Variants in DUOX2 observed in about 807,000 individuals in gnomAD.
DUOX2 encodes the protein dual oxidase 2, also known as NADH/NADPH thyroid oxidase p138-tox.
Under a neutral mutation model 183.3 loss-of-function variants are expected in DUOX2, and 185 were observed. That is an observed-to-expected ratio of 1.01 (90% CI 0.90 to 1.14). DUOX2 has a LOEUF of 1.14. Among genes scored for constraint, DUOX2 ranks in the 50% most tolerant of loss-of-function variants. DUOX2 has a pLI of 0.00. For missense variants in DUOX2, 1,999 were observed against 2,022.9 expected (o/e 0.99, Z 0.23); for synonymous variants, 788 against 812.4 (o/e 0.97, Z 0.51).
In DUOX2 at chr15:45,098,081, GC is replaced by G. The variant is rs1893956260; in HGVS notation, c.3516-24del. 3 of 1,612,952 alleles carry G rather than the reference GC, an allele frequency of 1.9e-6. No individual in the cohort carries two copies. The East Asian group carries it at 6.7e-5, about 36-fold the overall frequency. On this transcript the variant is annotated intron_variant, in intron 26 of 33. Transcript: ENST00000389039. ...GACCTGGGGGGCAAAGGCACCTTGA[GC>G]CTCTGACTGGGGCAGGAGGGGCTCC...
chr15:45,103,649 A>C (rs951479498), intron 20 of DUOX2, among the ~76,000 whole-genome samples: 2 of 152,110 alleles, frequency 1.3e-5, no homozygotes, highest in African/African-American at 4.8e-5. Context: ...ACAAAGATCC[A>C]AGGGCATCCA....
chr15:45,109,893 C>T lies in DUOX2; in HGVS notation c.1128G>A (p.Arg376=), dbSNP rs1028901109. 1 of 1,614,150 alleles carries T rather than the reference C, an allele frequency of 6.2e-7. No homozygotes were observed. Among genetic ancestry groups the T allele is most frequent in the Non-Finnish European group, 8.5e-7 (1 of 1,180,020 alleles). ...ALRVCNNYWI[R]ENPNLNSTQE... ...CTGACCCTGACCCCAGTCTGACCTCCCGAATCCAGTAGTTGTTGCAGACCC... is the reference window on the plus strand; with the variant it reads ...CTGACCCTGACCCCAGTCTGACCTCTCGAATCCAGTAGTTGTTGCAGACCC... The change falls in exon 10 of 34, where the codon CGG becomes CGA. Residue 376 remains arginine, a synonymous_variant. Transcript: ENST00000389039.
At chr15:45,101,036 C>A in intron 22 of DUOX2, 169 bp downstream of exon 22, 1 of 723,078 alleles carries the variant, frequency 1.4e-6, no homozygotes, top group Non-Finnish European at 2.5e-6. Flanking sequence ...AGCCAAGCAT[C>A]CGAGCAGCAT....
chr15:45,099,999 C>G (rs1894031998), intron 24 of DUOX2, 51 bp downstream of exon 24: 2 of 1,613,634 alleles, frequency 1.2e-6, no homozygotes, highest in African/African-American at 2.7e-5. Flanking sequence ...CACTCCTCTC[C>G]AAGGGTCAGA....
chr15:45,103,843 G>T lies in DUOX2; in HGVS notation c.2654+117C>A, dbSNP rs1267030946. On this transcript the variant is annotated intron_variant, in intron 20 of 33. Coordinates refer to ENST00000389039, the MANE Select transcript of DUOX2 (RefSeq NM_001363711.2). Reference sequence around the variant, plus strand: ...TGAGAGTTTAGGATGTAGTGTTTAGGCCACCTCTCAGCACAGATGACCACA... The same window carrying T: ...TGAGAGTTTAGGATGTAGTGTTTAGTCCACCTCTCAGCACAGATGACCACA... 23 of 1,059,806 alleles carry T rather than the reference G, an allele frequency of 2.2e-5. No individual in the cohort carries two copies. The Admixed American group carries it at 4.2e-4, about 20-fold the overall frequency. The allele number at this position is 1,059,806 out of a possible 1,614,324, so 65.7% of individuals were successfully genotyped here. A position where few individuals can be genotyped will look rare whatever the true frequency, so the allele number is the denominator to read the frequency against.
chr15:45,105,371 G>T (rs945659529), intron 18 of DUOX2, among the ~76,000 whole-genome samples: 1 of 152,112 alleles, frequency 6.6e-6, no homozygotes, highest in Non-Finnish European at 1.5e-5. Context: ...TCATGTAGAC[G>T]ATCTCACCGA....
Position 45,097,685 on chromosome 15 carries a change from G to A in DUOX2, c.3622C>T (p.His1208Tyr). 1 of 1,614,208 alleles carries A rather than the reference G, an allele frequency of 6.2e-7. No individual in the cohort carries two copies. The highest frequency in any genetic ancestry group is 8.5e-7 in the Non-Finnish European group (1 of 1,180,046). ...CGGAAGCTGCGGCGGCGGAAGTGGT[G>A]GGAGGCGAAGACATACATGATGGCC... ...VLAIMYVFASHHFRRRSFRGF... is the reference protein window; with the variant it reads ...VLAIMYVFASYHFRRRSFRGF... Residue 1208 changes from histidine (H) to tyrosine (Y), a missense_variant, in exon 28 of 34, where the codon CAC (histidine) becomes TAC (tyrosine). By Grantham distance (83) the His-to-Tyr change is moderately conservative. Around this residue, in one of 3 missense-constraint regions of DUOX2, gnomAD observed 1,628 missense variants for 1,608.6 expected, o/e 1.01. Coordinates refer to ENST00000389039, the MANE Select transcript of DUOX2 (RefSeq NM_001363711.2).
At position 45,097,274 on chromosome 15, in the gene DUOX2, C is replaced by T; in HGVS notation, c.3811G>A (p.Glu1271Lys). Residue 1271 changes from glutamate to lysine, a missense_variant, in exon 29 of 34, where the codon GAG becomes AAG. Transcript: ENST00000389039. The stretch of plus-strand genomic sequence containing the variant: ...AGCTCCGCCTTCACCACGCTGATCT[C>T]CACCTTCTTCCGGCTCAGGCTCACC... ...KLVSLSRKKV[E>K]ISVVKAELLP... 6.2e-7 allele frequency: 1 copy of T among 1,614,164 alleles called. No individual in the cohort carries two copies. The highest frequency in any genetic ancestry group is 8.5e-7 in the Non-Finnish European group (1 of 1,180,032).
rs1893872202 is a variant in DUOX2, at chr15:45,095,365, G to C, written c.4239+72C>G. ...CCTGGAGCCAGGAGCTTTCTCTCAT[G>C]CTCCACCACTTGATGCGGGTCACAA... On this transcript the variant is annotated intron_variant, in intron 31 of 33. Transcript: ENST00000389039. 42 of 1,599,498 alleles carry C rather than the reference G, an allele frequency of 2.6e-5. No individual in the cohort carries two copies. In the South Asian group the frequency reaches 4.5e-4, roughly 17 times the overall value.
At chr15:45,096,386 G>A (rs541105713) in intron 29 of DUOX2, among the ~76,000 whole-genome samples, 1 of 152,062 alleles carries the variant, frequency 6.6e-6, no homozygotes, top group African/African-American at 2.4e-5. Flanking sequence ...CCATCTCAGT[G>A]GCTACCAGAC....
At chr15:45,094,327 C>G in intron 33 of DUOX2, 55 bp from the exon 34 acceptor site, 2 of 1,612,740 alleles carry the variant, frequency 1.2e-6, no homozygotes, top group Non-Finnish European at 1.7e-6. Context: ...GCTCACTCTC[C>G]TTGGGAAAAG....
chr15:45,095,992 C>G lies in DUOX2; in HGVS notation c.3916G>C (p.Ala1306Pro). The stretch of plus-strand genomic sequence containing the variant: ...TCGGTGGTCCCCAGAGCCAGGCAGG[C>G]GATCCGCACCCACTGTCCTGACTTG... ...EYKSGQWVRIACLALGTTEYH... is the reference protein window; with the variant it reads ...EYKSGQWVRIPCLALGTTEYH... The change falls in exon 30 of 34, where the codon GCC (alanine) becomes CCC (proline). Residue 1306 changes from alanine to proline, a missense_variant. By Grantham distance (27) the Ala-to-Pro change is conservative (BLOSUM62 -1). Transcript: ENST00000389039. 2 of 1,613,740 alleles carry G rather than the reference C, an allele frequency of 1.2e-6. No individual in the cohort carries two copies. Among genetic ancestry groups the G allele is most frequent in the Non-Finnish European group, 1.7e-6 (2 of 1,179,922 alleles).
intron 11 of DUOX2, 74 bp downstream of exon 11, chr15:45,109,450 G>T: frequency 7.6e-7 from 1 of 1,313,782 alleles, no homozygotes; most frequent in Non-Finnish European, 1.1e-6. Context: ...CCCTAGGTCT[G>T]CTATTGATGA....
chr15:45,110,907 T>G (rs547516426), intron 7 of DUOX2, among the ~76,000 whole-genome samples, 197 bp from the exon 8 acceptor site: 3 of 148,624 alleles, frequency 2.0e-5, no homozygotes, highest in African/African-American at 7.5e-5. Context: ...GTTGGGGAGG[T>G]GATAAATAAT....
chr15:45,105,644 TGAGCAAAA>T lies in DUOX2; in HGVS notation c.2325_2332del (p.Phe776GlyfsTer54). On this transcript the variant is annotated frameshift_variant and splice_region_variant, in exon 18 of 34. Coordinates refer to ENST00000389039, the MANE Select transcript of DUOX2 (RefSeq NM_001363711.2). LOFTEE classifies it high-confidence loss of function. Reference sequence around the variant, plus strand: ...TCCAAAAGGCACAGGTCATGGCACCTGAGCAAAAAGGTGTCTGAAGAAGATCTCCAGGA... The same window carrying T: ...TCCAAAAGGCACAGGTCATGGCACCTAGGTGTCTGAAGAAGATCTCCAGGA... 1.2e-6 allele frequency: 2 copies of T among 1,614,188 alleles called. No individual in the cohort carries two copies. The highest frequency in any genetic ancestry group is 1.7e-6 in the Non-Finnish European group (2 of 1,180,022).
intron 16 of DUOX2, 21 bp from the exon 17 acceptor site, chr15:45,106,348 C>A (rs773307025): frequency 4.3e-6 from 7 of 1,613,228 alleles, no homozygotes; most frequent in Non-Finnish European, 5.9e-6. Context: ...GATAATTGGG[C>A]CGGGTAGTTC....
At chr15:45,105,241 C>G (rs1187813746) in intron 18 of DUOX2, among the ~76,000 whole-genome samples, 2 of 152,200 alleles carry the variant, frequency 1.3e-5, no homozygotes, top group Non-Finnish European at 2.9e-5. Flanking sequence ...TGTTAAAACA[C>G]AGATTGCCAG....
chr15:45,104,540 A>T (rs1386120481), intron 18 of DUOX2, among the ~76,000 whole-genome samples, 175 bp from the exon 19 acceptor site: 1 of 152,108 alleles, frequency 6.6e-6, no homozygotes, highest in African/African-American at 2.4e-5. Flanking sequence ...TAGACGGGGG[A>T]ATCAAATCTC....
At chr15:45,109,204 C>T (rs985888303) in intron 11 of DUOX2, 17 of 611,952 alleles carry the variant, frequency 2.8e-5, no homozygotes, top group Admixed American at 2.7e-5. Context: ...CAGTAAATTC[C>T]CTGTCCTATG....
Sources: allele counts gnomAD v4.1 joint callset (sites outside exome capture counted in the v4.1 genomes callset), GRCh38; gene constraint gnomAD v4.1.1; regional missense constraint gnomAD v4.1.1; transcripts MANE v1.5; gene names NCBI Gene and HGNC (gene_info 2026-07-23, HGNC 2026-07-21).